CRYZL1: variants seen among roughly 807,000 people sequenced by gnomAD.
The protein encoded by CRYZL1 is crystallin zeta like 1.
Under a neutral mutation model 50.6 loss-of-function variants are expected in CRYZL1, and 34 were observed. That is an observed-to-expected ratio of 0.67 (90% CI 0.51 to 0.89). The LOEUF (loss-of-function observed/expected upper bound fraction) is 0.89. Ranked by LOEUF, CRYZL1 falls within the 40% of genes least tolerant of loss-of-function variation. CRYZL1 has a pLI of 0.00. For synonymous variants in CRYZL1, 125 were observed against 134.3 expected, an observed-to-expected ratio of 0.93 and a Z score of 0.48; for missense variants, 354 against 402.3, an observed-to-expected ratio of 0.88 and a Z score of 1.03.
intron 2 of CRYZL1, among the ~76,000 whole-genome samples, chr21:33,627,680 C>T (rs2087083199): frequency 6.7e-6 from 1 of 150,160 alleles, no homozygotes; most frequent in Non-Finnish European, 1.5e-5. Flanking sequence ...TCAGCACTCT[C>T]TGAAATGTGT....
intron 6 of CRYZL1, among the ~76,000 whole-genome samples, chr21:33,608,229 C>T (rs2086833735): frequency 6.6e-6 from 1 of 152,106 alleles, no homozygotes; most frequent in Non-Finnish European, 1.5e-5. Context: ...CCGAGGTGGG[C>T]AGGTCACCTG....
Position 33,616,760 on chromosome 21 carries a change from G to T in CRYZL1, c.218-10C>A, listed in dbSNP as rs1245377958. Reference sequence around the variant, plus strand: ...GATACCTTGCTTCCAACTAAAGAGTGAAGAAAATTAATAGTTAATATTACA... The same window carrying T: ...GATACCTTGCTTCCAACTAAAGAGTTAAGAAAATTAATAGTTAATATTACA... On this transcript the variant is annotated splice_polypyrimidine_tract_variant and intron_variant, in intron 4 of 12. Coordinates refer to ENST00000381554, the MANE Select transcript of CRYZL1 (RefSeq NM_145858.3). The T allele has an allele frequency of 4.4e-6, 7 of 1,589,828 alleles. 1 individual carries two copies. The highest frequency in any genetic ancestry group is 1.3e-5 in the African/African-American group (1 of 74,234).
At chr21:33,595,514 C>T in intron 11 of CRYZL1, 1 of 1,268,506 alleles carries the variant, frequency 7.9e-7, no homozygotes, top group Non-Finnish European at 1.1e-6. Flanking sequence ...CATCTCTGTG[C>T]TTCTGTTTCT....
At chr21:33,618,205 C>T (rs1390110474) in intron 4 of CRYZL1, among the ~76,000 whole-genome samples, 1 of 143,968 alleles carries the variant, frequency 6.9e-6, no homozygotes, top group African/African-American at 2.6e-5. Context: ...GGGAGGATAG[C>T]GTGAACCTGG....
intron 6 of CRYZL1, among the ~76,000 whole-genome samples, chr21:33,609,536 C>T (rs2086848153): frequency 6.6e-6 from 1 of 151,766 alleles, no homozygotes; most frequent in Non-Finnish European, 1.5e-5. Context: ...GTCTCGGACT[C>T]CTGAGCTCAA....
At chr21:33,606,879 C>T (rs1005986119) in intron 6 of CRYZL1, among the ~76,000 whole-genome samples, 12 of 151,392 alleles carry the variant, frequency 7.9e-5, no homozygotes, top group Non-Finnish European at 1.3e-4. Flanking sequence ...GGCGTGGTGG[C>T]GCATGCCTGT....
At chr21:33,600,754 T>C (rs113755533) in intron 8 of CRYZL1, among the ~76,000 whole-genome samples, 2,043 of 150,176 alleles carry the variant, frequency 0.014, 56 homozygotes, top group African/African-American at 0.047. Context: ...GCCTCCCGAG[T>C]AGCTGGGACT....
At chr21:33,641,513 C>A (rs1248131390) in intron 1 of CRYZL1, among the ~76,000 whole-genome samples, 168 bp downstream of exon 1, 1 of 152,226 alleles carries the variant, frequency 6.6e-6, no homozygotes, top group Non-Finnish European at 1.5e-5. Context: ...GTCTTACCCA[C>A]CCCTCAGCGG....
At chr21:33,604,068 C>G (rs777496580) in intron 6 of CRYZL1, among the ~76,000 whole-genome samples, 13 of 150,022 alleles carry the variant, frequency 8.7e-5, no homozygotes, top group Non-Finnish European at 1.6e-4. Context: ...CTGACTGACA[C>G]GGTGAAACCC....
rs144250847 is a variant in CRYZL1, at chr21:33,609,834, C to A, written c.331+3704G>T. Among the ~76,000 whole-genome samples, 1,332 of 152,100 alleles carry A rather than the reference C, an allele frequency of 8.8e-3. 12 individuals carry two copies. The highest frequency in any genetic ancestry group is 0.013 in the Non-Finnish European group (890 of 67,988). On this transcript the variant is annotated intron_variant, in intron 6 of 12. Coordinates refer to ENST00000381554, the MANE Select transcript of CRYZL1 (RefSeq NM_145858.3). ...TCTCCTGCCTCAGCCTCCTGAGTAG[C>A]TGGGACTACAGGCACCTGCCACCAC...
intron 2 of CRYZL1, 126 bp downstream of exon 2, chr21:33,631,359 TA>T (rs1843744553): frequency 1.8e-6 from 1 of 555,418 alleles, no homozygotes; most frequent in Non-Finnish European, 3.0e-6. Flanking sequence ...GAAAGTACTG[TA>T]ATTTGAGGAG....
intron 2 of CRYZL1, among the ~76,000 whole-genome samples, chr21:33,626,851 A>G (rs539243779): frequency 3.9e-5 from 6 of 152,286 alleles, no homozygotes; most frequent in Admixed American, 2.6e-4. Context: ...CCTCTACCCA[A>G]TATGCCCACA....
intron 1 of CRYZL1, 22 bp from the exon 2 acceptor site, chr21:33,631,579 T>A (rs2087137901): frequency 7.2e-7 from 1 of 1,382,140 alleles, no homozygotes; most frequent in Non-Finnish European, 9.5e-7. Context: ...TATATATAAA[T>A]GAAATAAAAT....
At chr21:33,595,485 G>C in intron 11 of CRYZL1, 1 of 1,321,534 alleles carries the variant, frequency 7.6e-7, no homozygotes, top group Middle Eastern at 2.0e-4. Context: ...CACTTGCTGC[G>C]TCCTTGAGTC....
chr21:33,637,147 T>C (rs762238776), intron 1 of CRYZL1, among the ~76,000 whole-genome samples: 1 of 152,126 alleles, frequency 6.6e-6, no homozygotes, highest in Non-Finnish European at 1.5e-5. Flanking sequence ...TCTCTAGTCA[T>C]CAAGAATAAT....
At chr21:33,614,474 A>G (rs1601338137) in intron 5 of CRYZL1, among the ~76,000 whole-genome samples, 1 of 152,210 alleles carries the variant, frequency 6.6e-6, no homozygotes, top group African/African-American at 2.4e-5. Flanking sequence ...GGGTGACAAG[A>G]GCAAGATTCT....
At chr21:33,614,780 C>T (rs892127773) in intron 5 of CRYZL1, among the ~76,000 whole-genome samples, 9 of 152,120 alleles carry the variant, frequency 5.9e-5, no homozygotes, top group African/African-American at 1.7e-4. Context: ...CCACATTGGC[C>T]AGGCTGGTCT....
At position 33,624,774 on chromosome 21, in the gene CRYZL1, A is replaced by G. The variant is rs1329237884; in HGVS notation, c.67-14T>C. 5 of 1,583,834 alleles carry G rather than the reference A, an allele frequency of 3.2e-6. No homozygotes were observed. The highest frequency in any genetic ancestry group is 4.3e-6 in the Non-Finnish European group (5 of 1,172,462). On this transcript the variant is annotated splice_polypyrimidine_tract_variant and intron_variant, in intron 2 of 12. Transcript: ENST00000381554. ...AGGAAGATCTTCCTAGAACCAAATGATAACAAAACAATATGTTATTTTACA... is the reference window on the plus strand; with the variant it reads ...AGGAAGATCTTCCTAGAACCAAATGGTAACAAAACAATATGTTATTTTACA...
At position 33,637,788 on chromosome 21, in the gene CRYZL1, T is replaced by TACAC. The variant is rs1555834479; in HGVS notation, c.-7+3889_-7+3892dup. ...ATATATATATATATATATATATATA[T>TACAC]ACACACACACACACATATAAACAGC... On this transcript the variant is annotated intron_variant, in intron 1 of 12. Transcript: ENST00000381554. Among the ~76,000 whole-genome samples the TACAC allele has an allele frequency of 3.8e-3, 450 of 117,198 alleles. 3 individuals are homozygous for TACAC. The highest frequency in any genetic ancestry group is 0.014 in the African/African-American group (436 of 32,254). 76.9% of individuals were successfully genotyped at this position (117,198 alleles called of 152,430 possible). A position where few individuals can be genotyped will look rare whatever the true frequency, so the allele number is the denominator to read the frequency against.
Sources: allele counts gnomAD v4.1 joint callset (sites outside exome capture counted in the v4.1 genomes callset), GRCh38; gene constraint gnomAD v4.1.1; transcripts MANE v1.5; gene names NCBI Gene and HGNC (gene_info 2026-07-23, HGNC 2026-07-21).